ZDHHC21: variants seen among roughly 807,000 people sequenced by gnomAD.
ZDHHC21 encodes zDHHC palmitoyltransferase 21.
Under a neutral mutation model 34.6 loss-of-function variants are expected in ZDHHC21, and 15 were observed. The ratio of observed to expected loss-of-function variants is 0.43; its 90% CI spans 0.29 to 0.67. The LOEUF is 0.67. ZDHHC21 is among the 30% of genes least tolerant of loss of function. ZDHHC21 has a pLI of 0.14. For synonymous variants in ZDHHC21, 142 were observed against 101.8 expected (o/e 1.40, Z -2.38); for missense variants, 344 against 327.7 (o/e 1.05, Z -0.38).
chr9:14,603,724 T>G, the ZDHHC21 span, among the ~76,000 whole-genome samples: 1 of 152,190 alleles, frequency 6.6e-6, no homozygotes, highest in Admixed American at 6.5e-5. Flanking sequence ...TTTACAAATT[T>G]ATCTACCTGT....
At position 14,618,008 on chromosome 9, in the gene ZDHHC21, A is replaced by T; in HGVS notation, c.*958T>A. ...TACTAGTACATAAATAAAAGTAAAA[A>T]GTATACTCTTTTCAAAAGCACAATA... On this transcript the variant is annotated 3_prime_UTR_variant, in exon 10 of 10. Coordinates refer to ENST00000380916, the MANE Select transcript of ZDHHC21 (RefSeq NM_178566.6). 6.6e-6 allele frequency: 1 copy of T among 152,626 alleles called. No homozygotes were observed. Among genetic ancestry groups the T allele is most frequent in the Non-Finnish European group, 1.5e-5 (1 of 67,960 alleles). The allele number at this position is 152,626 out of a possible 1,614,324, so 9.5% of individuals were successfully genotyped here.
At chr9:14,661,139 T>C (rs531644649) in intron 6 of ZDHHC21, among the ~76,000 whole-genome samples, 5 of 152,202 alleles carry the variant, frequency 3.3e-5, no homozygotes, top group Non-Finnish European at 7.4e-5. Context: ...TAGAAATTTT[T>C]AAAATTTTTA....
chr9:14,644,843 T>C (rs1830022258), intron 7 of ZDHHC21, among the ~76,000 whole-genome samples: 1 of 151,704 alleles, frequency 6.6e-6, no homozygotes, highest in South Asian at 2.1e-4. Context: ...CACACATATA[T>C]ATATATATTT....
chr9:14,613,427 T>G lies in ZDHHC21; in HGVS notation c.*5539A>C, dbSNP rs1399536822. On this transcript the variant is annotated 3_prime_UTR_variant, in exon 10 of 10. Coordinates refer to ENST00000380916, the MANE Select transcript of ZDHHC21 (RefSeq NM_178566.6). ...CAGTAGGTTAAAATATCATCCAATG[T>G]ATACTGGCAAGAATATATAGCTTGC... The G allele has an allele frequency of 6.6e-6, 1 of 151,812 alleles. No homozygotes were observed. Among genetic ancestry groups the G allele is most frequent in the Non-Finnish European group, 1.5e-5 (1 of 67,812 alleles). 9.4% of individuals were successfully genotyped at this position (151,812 alleles called of 1,614,324 possible).
intron 2 of ZDHHC21, among the ~76,000 whole-genome samples, chr9:14,685,746 C>A (rs1483604498): frequency 6.6e-6 from 1 of 152,218 alleles, no homozygotes; most frequent in Non-Finnish European, 1.5e-5. Flanking sequence ...TATAAAGACA[C>A]ATGCGCACGT....
At chr9:14,673,266 G>C (rs1379440856) in intron 4 of ZDHHC21, among the ~76,000 whole-genome samples, 2 of 151,856 alleles carry the variant, frequency 1.3e-5, no homozygotes, top group African/African-American at 2.4e-5. Context: ...TTCTATATTT[G>C]AAAGGATCAA....
chr9:14,607,377 C>A (rs1478659666), downstream of ZDHHC21, among the ~76,000 whole-genome samples: 1 of 151,920 alleles, frequency 6.6e-6, no homozygotes, highest in Non-Finnish European at 1.5e-5. Context: ...GCACTCCAGC[C>A]TAGGTGACAG....
intron 7 of ZDHHC21, among the ~76,000 whole-genome samples, chr9:14,649,687 A>G (rs1830881283): frequency 2.0e-5 from 3 of 152,050 alleles, no homozygotes. Context: ...AGAATTATCT[A>G]CTAAATTTTG....
intron 7 of ZDHHC21, among the ~76,000 whole-genome samples, chr9:14,652,890 G>C (rs1831472210): frequency 6.6e-6 from 1 of 151,912 alleles, no homozygotes; most frequent in Non-Finnish European, 1.5e-5. Flanking sequence ...TTCTGACCCA[G>C]GCAATTCCAT....
rs1824047396 is a variant in ZDHHC21, at chr9:14,615,764, A to AG, written c.*3201dup. On this transcript the variant is annotated 3_prime_UTR_variant, in exon 10 of 10. Transcript: ENST00000380916. ...TGATTGTTAAGGAGGTGTAACTTAC[A>AG]GTATCTAGGTAAAAACCTTTCATTT... 1 of 151,726 alleles carries AG rather than the reference A, an allele frequency of 6.6e-6. No individual in the cohort carries two copies. The allele number at this position is 151,726 out of a possible 1,614,324, so 9.4% of individuals were successfully genotyped here.
intron 8 of ZDHHC21, among the ~76,000 whole-genome samples, chr9:14,628,485 C>G (rs1426925892): frequency 6.6e-6 from 1 of 152,084 alleles, no homozygotes; most frequent in African/African-American, 2.4e-5. Context: ...TCTAGTAGGT[C>G]TATATTCAAG....
intron 3 of ZDHHC21, among the ~76,000 whole-genome samples, chr9:14,679,483 A>C (rs1250349293): frequency 1.3e-5 from 2 of 152,212 alleles, no homozygotes; most frequent in African/African-American, 4.8e-5. Flanking sequence ...TTTCTGCACA[A>C]GTGCAGGAAG....
intron 4 of ZDHHC21, among the ~76,000 whole-genome samples, chr9:14,673,307 T>C (rs1015068733): frequency 1.3e-5 from 2 of 152,044 alleles, no homozygotes; most frequent in African/African-American, 4.8e-5. Flanking sequence ...AACTAAACTT[T>C]TTCATTAACT....
At chr9:14,657,827 A>G (rs1009459610) in intron 7 of ZDHHC21, among the ~76,000 whole-genome samples, 46 of 152,110 alleles carry the variant, frequency 3.0e-4, no homozygotes, top group Non-Finnish European at 5.4e-4. Context: ...AATCTTACTG[A>G]GGAATTTTAT....
rs1168852881 is a variant in ZDHHC21 at position 14,617,352 on chromosome 9, A to G, written c.*1614T>C. 6.6e-6 allele frequency: 1 copy of G among 152,030 alleles called. No homozygotes were observed. The highest frequency in any genetic ancestry group is 1.5e-5 in the Non-Finnish European group (1 of 67,936). 9.4% of individuals were successfully genotyped at this position (152,030 alleles called of 1,614,324 possible). On this transcript the variant is annotated 3_prime_UTR_variant, in exon 10 of 10. Transcript: ENST00000380916. The stretch of plus-strand genomic sequence containing the variant: ...AAAGTATTCTAATTAGAACATGAAA[A>G]ACATGATATTAACATCTCTGAGAAG...
chr9:14,611,028 T>A (rs911749526), downstream of ZDHHC21: 1 of 152,004 alleles, frequency 6.6e-6, no homozygotes, highest in Non-Finnish European at 1.5e-5. Flanking sequence ...AGAATTTGGG[T>A]TAATTTTCCT....
At chr9:14,651,618 T>A (rs547492006) in intron 7 of ZDHHC21, among the ~76,000 whole-genome samples, 1 of 152,008 alleles carries the variant, frequency 6.6e-6, no homozygotes, top group East Asian at 1.9e-4. Flanking sequence ...AAAGAAAACA[T>A]GTTACCAATA....
the ZDHHC21 span, among the ~76,000 whole-genome samples, chr9:14,597,840 A>C: frequency 6.6e-6 from 1 of 151,924 alleles, no homozygotes; most frequent in Non-Finnish European, 1.5e-5. Flanking sequence ...CTAAAGACAG[A>C]CCCACCCAGC....
At chr9:14,665,489 T>C (rs1834254843) in intron 5 of ZDHHC21, among the ~76,000 whole-genome samples, 1 of 151,328 alleles carries the variant, frequency 6.6e-6, no homozygotes, top group South Asian at 2.1e-4. Context: ...ATTCAGGAAA[T>C]ACAGAGAACG....
Sources: gnomAD v4.1 joint callset for allele counts (sites outside exome capture counted in the v4.1 genomes callset) on GRCh38, gnomAD v4.1.1 for gene constraint, MANE v1.5 for transcripts, NCBI Gene and HGNC (gene_info 2026-07-23, HGNC 2026-07-21) for gene names.